VGLL4: variants seen among roughly 807,000 people sequenced by gnomAD.
VGLL4 encodes the protein transcription cofactor vestigial-like protein 4.
In VGLL4, 7 loss-of-function variants were observed where a neutral mutation model predicts 21.0. That is an observed-to-expected ratio of 0.33 (90% CI 0.19 to 0.63). The LOEUF is 0.63. Among genes scored for constraint, VGLL4 ranks in the 20% least tolerant of loss-of-function variants. The pLI is 0.78. For synonymous variants in VGLL4, 222 were observed against 173.2 expected, an observed-to-expected ratio of 1.28 and a Z score of -2.21; for missense variants, 394 against 425.7, an observed-to-expected ratio of 0.93 and a Z score of 0.66.
intron 1 of VGLL4, among the ~76,000 whole-genome samples, chr3:11,630,370 C>A (rs1048362123): frequency 6.6e-6 from 1 of 152,192 alleles, no homozygotes; most frequent in Non-Finnish European, 1.5e-5. Flanking sequence ...CCTGGCCGGG[C>A]GTGGTGGCTC....
At chr3:11,634,952 G>A (rs1433784587) in intron 1 of VGLL4, among the ~76,000 whole-genome samples, 4 of 152,172 alleles carry the variant, frequency 2.6e-5, no homozygotes, top group Admixed American at 6.5e-5. Context: ...GATTACAGGC[G>A]TGAGCAACCG....
chr3:11,689,097 T>C (rs937586605), intron 2 of VGLL4, among the ~76,000 whole-genome samples: 2 of 152,118 alleles, frequency 1.3e-5, no homozygotes, highest in South Asian at 2.1e-4. Context: ...AAATACAAAA[T>C]TTCAGCACAA....
At chr3:11,607,009 C>A (rs2074960660) in intron 1 of VGLL4, among the ~76,000 whole-genome samples, 2 of 152,154 alleles carry the variant, frequency 1.3e-5, no homozygotes, top group Admixed American at 1.3e-4. Flanking sequence ...CACAGCATGG[C>A]CATGGTGGAA....
rs772604997 is a variant in VGLL4 at position 11,609,661 on chromosome 3, C to T, written c.83-7639G>A. Among the ~76,000 whole-genome samples, 5 of 152,304 alleles carry T rather than the reference C, an allele frequency of 3.3e-5. No individual in the cohort carries two copies. In the South Asian group the frequency reaches 6.2e-4, roughly 19 times the overall value. On this transcript the variant is annotated intron_variant, in intron 1 of 4. Coordinates refer to ENST00000430365, the MANE Select transcript of VGLL4 (RefSeq NM_001128219.3). ...TTAATGGACTCTCCCAGGGATAAGGCGGCGTTAGCAATGGGAACCCGGGTC... is the reference window on the plus strand; with the variant it reads ...TTAATGGACTCTCCCAGGGATAAGGTGGCGTTAGCAATGGGAACCCGGGTC...
At position 11,557,833 on chromosome 3, in the gene VGLL4, TAG is replaced by T. The variant is rs750304307; in HGVS notation, c.*721_*722del. Reference sequence around the variant, plus strand: ...GAGAAGATAAAATGCCCGTGATTGGTAGAGTCTGCAGTCCAGTTGCAAGCACC... The same window carrying T: ...GAGAAGATAAAATGCCCGTGATTGGTAGTCTGCAGTCCAGTTGCAAGCACC... On this transcript the variant is annotated 3_prime_UTR_variant, in exon 5 of 5. Transcript: ENST00000430365. 4 of 152,574 alleles carry T rather than the reference TAG, an allele frequency of 2.6e-5. No individual in the cohort carries two copies. The highest frequency in any genetic ancestry group is 1.3e-4 in the Admixed American group (2 of 15,274). 9.5% of individuals were successfully genotyped at this position (152,574 alleles called of 1,614,324 possible). A position where few individuals can be genotyped will look rare whatever the true frequency, so the allele number is the denominator to read the frequency against.
intron 2 of VGLL4, among the ~76,000 whole-genome samples, chr3:11,686,574 G>A (rs2076452030): frequency 1.3e-5 from 2 of 152,184 alleles, no homozygotes; most frequent in Admixed American, 1.3e-4. Context: ...AAGAGTTATG[G>A]ATGGGTGGTG....
intron 2 of VGLL4, among the ~76,000 whole-genome samples, chr3:11,584,368 T>C (rs915902268): frequency 6.6e-6 from 1 of 151,784 alleles, no homozygotes; most frequent in Non-Finnish European, 1.5e-5. Context: ...AAACACACAA[T>C]AACAATGTTT....
chr3:11,671,610 G>C (rs1380423055), intron 2 of VGLL4, among the ~76,000 whole-genome samples: 2 of 152,200 alleles, frequency 1.3e-5, no homozygotes. Flanking sequence ...CCCATATGGG[G>C]TGGTGGACCC....
intron 1 of VGLL4, among the ~76,000 whole-genome samples, chr3:11,605,035 G>C (rs9825796): frequency 0.85 from 77,826 of 91,994 alleles, 34,716 homozygotes; most frequent in Non-Finnish European, 0.91. Context: ...GCTTTCCATC[G>C]CCCGCCACGC....
At chr3:11,561,396 T>C (rs1382055124) in intron 3 of VGLL4, among the ~76,000 whole-genome samples, 1 of 152,188 alleles carries the variant, frequency 6.6e-6, no homozygotes, top group Non-Finnish European at 1.5e-5. Context: ...CTTCAGGGCA[T>C]CTCCTGACCT....
At chr3:11,682,404 CAAA>C (rs34428676) in intron 2 of VGLL4, among the ~76,000 whole-genome samples, 975 of 62,198 alleles carry the variant, frequency 0.016, 1 homozygote, top group East Asian at 0.028. Flanking sequence ...GACCCTGTCT[CAAA>C]AAAAAAAAAA....
At position 11,567,048 on chromosome 3, in the gene VGLL4, T is replaced by C. The variant is rs147658549; in HGVS notation, c.273-2029A>G. Among the ~76,000 whole-genome samples, 794 of 152,170 alleles carry C rather than the reference T, an allele frequency of 5.2e-3. 5 individuals carry two copies. The highest frequency in any genetic ancestry group is 9.0e-3 in the Non-Finnish European group (609 of 68,014). On this transcript the variant is annotated intron_variant, in intron 2 of 4. Coordinates refer to ENST00000430365, the MANE Select transcript of VGLL4 (RefSeq NM_001128219.3). The stretch of plus-strand genomic sequence containing the variant: ...GGACCCTGCGGCCCAGTCGGTGAGC[T>C]GCTAAGGGCTGAGCAGGAGAAGCAC...
intron 3 of VGLL4, among the ~76,000 whole-genome samples, chr3:11,560,838 G>A (rs1340701341): frequency 6.6e-6 from 1 of 152,194 alleles, no homozygotes; most frequent in African/African-American, 2.4e-5. Flanking sequence ...CGGGCAGGTG[G>A]AGCTGGGCTG....
At chr3:11,685,663 G>A (rs1301533172) in intron 2 of VGLL4, among the ~76,000 whole-genome samples, 2 of 152,172 alleles carry the variant, frequency 1.3e-5, no homozygotes, top group Non-Finnish European at 1.5e-5. Context: ...TACAAAATGG[G>A]AGAAAATATT....
intron 2 of VGLL4, among the ~76,000 whole-genome samples, chr3:11,591,334 G>C (rs1217139401): frequency 6.6e-6 from 1 of 152,232 alleles, no homozygotes; most frequent in Non-Finnish European, 1.5e-5. Context: ...TCATGGCACA[G>C]ATCAGAACCA....
At chr3:11,623,481 GA>G (rs146436215) in intron 1 of VGLL4, among the ~76,000 whole-genome samples, 2 of 151,988 alleles carry the variant, frequency 1.3e-5, no homozygotes, top group East Asian at 3.9e-4. Flanking sequence ...GCAATTGGTT[GA>G]AAAAAAATCC....
chr3:11,689,874 C>T (rs899018380), intron 2 of VGLL4, among the ~76,000 whole-genome samples: 1 of 152,184 alleles, frequency 6.6e-6, no homozygotes, highest in African/African-American at 2.4e-5. Context: ...TCTGCCAAAA[C>T]AGTCTCTCCT....
At position 11,655,105 on chromosome 3, in the gene VGLL4, C is replaced by T. The variant is rs144976357; in HGVS notation, c.64+47866G>A. On this transcript the variant is annotated intron_variant, in intron 2 of 5. Transcript: ENST00000273038. ...TATTAGAGCAGTTTTGAACCGTGGC[C>T]ATACATTACAATCACCCAGGAGGTT... 5.9e-5 allele frequency among the ~76,000 whole-genome samples: 9 copies of T among 152,298 alleles called. No homozygotes were observed. The East Asian group carries it at 1.7e-3, about 29-fold the overall frequency.
At chr3:11,583,597 T>C (rs1575414986) in intron 2 of VGLL4, among the ~76,000 whole-genome samples, 1 of 152,102 alleles carries the variant, frequency 6.6e-6, no homozygotes, top group South Asian at 2.1e-4. Context: ...GTGAAAAATA[T>C]CCTGGAGGGG....
Sources: gnomAD v4.1 joint callset for allele counts (sites outside exome capture counted in the v4.1 genomes callset) on GRCh38, gnomAD v4.1.1 for gene constraint, MANE v1.5 for transcripts, NCBI Gene and HGNC (gene_info 2026-07-23, HGNC 2026-07-21) for gene names.